NFASC: variants seen among roughly 807,000 people sequenced by gnomAD.
The protein encoded by NFASC is neurofascin homolog.
In NFASC, 43 loss-of-function variants were observed where a neutral mutation model predicts 147.5. The ratio of observed to expected loss-of-function variants is 0.29; its 90% CI spans 0.23 to 0.38. The LOEUF (loss-of-function observed/expected upper bound fraction) is 0.38, where lower values mean the gene tolerates loss of function less well. Ranked by LOEUF, NFASC falls within the 10% of genes least tolerant of loss-of-function variation. The pLI is 1.00. For missense variants in NFASC, 1,320 were observed against 1,689.0 expected (o/e 0.78, Z 3.83); for synonymous variants, 622 against 665.5 (o/e 0.93, Z 1.01).
At chr1:204,977,894 G>A (rs993137277) in intron 17 of NFASC, among the ~76,000 whole-genome samples, 169 bp downstream of exon 17, 15 of 152,098 alleles carry the variant, frequency 9.9e-5, no homozygotes, top group Non-Finnish European at 1.6e-4. Context: ...ACCTCCCCAC[G>A]GCCCTTTGCT....
intron 1 of NFASC, among the ~76,000 whole-genome samples, chr1:204,903,762 T>G (rs555464246): frequency 6.6e-6 from 1 of 152,224 alleles, no homozygotes; most frequent in African/African-American, 2.4e-5. Context: ...CAAAGACATA[T>G]TGAACATGTA....
At chr1:204,985,875 G>A in intron 21 of NFASC, 2 of 1,483,268 alleles carry the variant, frequency 1.3e-6, no homozygotes, top group South Asian at 1.2e-5. Flanking sequence ...AGCCCTGCCT[G>A]CCTGACCCCT....
At chr1:204,992,017 G>A (rs2095748417) in intron 24 of NFASC, among the ~76,000 whole-genome samples, 1 of 152,220 alleles carries the variant, frequency 6.6e-6, no homozygotes, top group Non-Finnish European at 1.5e-5. Flanking sequence ...GGACTAAGGT[G>A]CTGGGCAGCT....
intron 10 of NFASC, among the ~76,000 whole-genome samples, chr1:204,969,955 A>G (rs1292398851): frequency 6.6e-6 from 1 of 152,046 alleles, no homozygotes; most frequent in African/African-American, 2.4e-5. Flanking sequence ...ACATGCCTGT[A>G]ATCTCAGCTA....
chr1:204,982,356 CT>C (rs2095524742), intron 21 of NFASC, among the ~76,000 whole-genome samples: 1 of 152,250 alleles, frequency 6.6e-6, no homozygotes, highest in African/African-American at 2.4e-5. Flanking sequence ...TTCCGATCCC[CT>C]GGCAGTCTGC....
At chr1:204,984,112 C>T (rs1449728707) in intron 21 of NFASC, 1 of 1,614,056 alleles carries the variant, frequency 6.2e-7, no homozygotes, top group South Asian at 1.1e-5. Flanking sequence ...TCTACTCCGA[C>T]ACGGTCCAGG....
chr1:204,920,762 G>A (rs1232399920), intron 2 of NFASC, 22 bp downstream of exon 2: 2 of 1,175,682 alleles, frequency 1.7e-6, no homozygotes, highest in African/African-American at 1.6e-5. Context: ...TTGGGCCTGG[G>A]GTATGTGTCA....
intron 2 of NFASC, among the ~76,000 whole-genome samples, chr1:204,927,599 T>C (rs1390503902): frequency 6.6e-6 from 1 of 152,078 alleles, no homozygotes; most frequent in East Asian, 1.9e-4. Context: ...AAAAGTATAC[T>C]CTATAAAAAA....
At chr1:204,854,214 G>A (rs936466572) in intron 1 of NFASC, among the ~76,000 whole-genome samples, 1 of 152,074 alleles carries the variant, frequency 6.6e-6, no homozygotes, top group Non-Finnish European at 1.5e-5. Context: ...GGGGATGCAC[G>A]AGTTGGGGGC....
At chr1:205,009,185 T>G in intron 27 of NFASC, 1 of 368,718 alleles carries the variant, frequency 2.7e-6, no homozygotes. Flanking sequence ...CCATGGGGAA[T>G]CATACTTCCA....
intron 5 of NFASC, among the ~76,000 whole-genome samples, chr1:204,952,635 A>AG (rs150974344): frequency 0.021 from 3,210 of 152,290 alleles, 82 homozygotes; most frequent in African/African-American, 0.058. Context: ...TATGAAGAGG[A>AG]GGGGAAAAGG....
chr1:204,941,440 G>C (rs1228976500), intron 2 of NFASC, among the ~76,000 whole-genome samples: 1 of 151,940 alleles, frequency 6.6e-6, no homozygotes, highest in Non-Finnish European at 1.5e-5. Context: ...ATAGCTTCTG[G>C]CTTCCTAATT....
chr1:204,953,516 T>C (rs1303997883), intron 5 of NFASC, among the ~76,000 whole-genome samples: 1 of 152,146 alleles, frequency 6.6e-6, no homozygotes, highest in Non-Finnish European at 1.5e-5. Context: ...CAGGATGGTC[T>C]CGATCTCCTG....
intron 22 of NFASC, among the ~76,000 whole-genome samples, chr1:204,988,284 C>T (rs1295668645): frequency 6.6e-6 from 1 of 152,180 alleles, no homozygotes; most frequent in African/African-American, 2.4e-5. Flanking sequence ...GGCCTAGTGG[C>T]GTTGTCCTAG....
At chr1:204,912,206 A>G (rs2087722004) in intron 1 of NFASC, among the ~76,000 whole-genome samples, 1 of 150,758 alleles carries the variant, frequency 6.6e-6, no homozygotes, top group South Asian at 2.1e-4. Context: ...TTCTTTTACT[A>G]GTTCCTCGAG....
intron 1 of NFASC, among the ~76,000 whole-genome samples, chr1:204,874,355 C>T (rs1316348389): frequency 6.6e-6 from 1 of 152,228 alleles, no homozygotes; most frequent in African/African-American, 2.4e-5. Flanking sequence ...CCCTGGGCTG[C>T]CTTTCGCCCC....
rs368772832 is a variant in NFASC, at chr1:204,984,369, GTATA to G, written c.2470+2356_2470+2359del. 24 of 179,574 alleles carry G rather than the reference GTATA, an allele frequency of 1.3e-4. No individual in the cohort carries two copies. The South Asian group carries it at 3.2e-3, about 24-fold the overall frequency. The allele number at this position is 179,574 out of a possible 1,614,324, so 11.1% of individuals were successfully genotyped here. On this transcript the variant is annotated intron_variant, in intron 21 of 29. Coordinates refer to ENST00000339876, the MANE Select transcript of NFASC (RefSeq NM_001005388.3). ...TGTATATATATATATGTGTGTGTGT[GTATA>G]TATATACGCATATATATATATATAT...
At chr1:204,934,715 C>T (rs58286082) in intron 2 of NFASC, among the ~76,000 whole-genome samples, 1 of 152,194 alleles carries the variant, frequency 6.6e-6, no homozygotes, top group Non-Finnish European at 1.5e-5. Flanking sequence ...TCATGAATCA[C>T]ATTGCCGCCT....
intron 8 of NFASC, among the ~76,000 whole-genome samples, chr1:204,966,792 C>T (rs778230252): frequency 1.2e-4 from 18 of 152,110 alleles, no homozygotes; most frequent in Non-Finnish European, 2.1e-4. Context: ...TGCTGTATGC[C>T]GTGTATTGTA....
Sources: gnomAD v4.1 joint callset for allele counts (sites outside exome capture counted in the v4.1 genomes callset) on GRCh38, gnomAD v4.1.1 for gene constraint, MANE v1.5 for transcripts, NCBI Gene and HGNC (gene_info 2026-07-23, HGNC 2026-07-21) for gene names.